Variants in CACNB2 observed in about 807,000 individuals in gnomAD.
The protein encoded by CACNB2 is voltage-dependent L-type calcium channel subunit beta-2.
Under a neutral mutation model 73.3 loss-of-function variants are expected in CACNB2, and 42 were observed. The ratio of observed to expected loss-of-function variants is 0.57; its 90% confidence interval spans 0.45 to 0.74. CACNB2 has a LOEUF of 0.74. Among genes scored for constraint, CACNB2 ranks in the 30% least tolerant of loss-of-function variants. The probability of loss-of-function intolerance (pLI) is 0.00; values close to 1 mark genes in which losing one functional copy is unlikely to be tolerated. For synonymous variants in CACNB2, 348 were observed against 310.3 expected, an observed-to-expected ratio of 1.12 and a Z score of -1.28; for missense variants, 940 against 853.0, an observed-to-expected ratio of 1.10 and a Z score of -1.27.
intron 9 of CACNB2, among the ~76,000 whole-genome samples, chr10:18,525,855 C>CT (rs2052418379): frequency 6.6e-6 from 1 of 151,934 alleles, no homozygotes; most frequent in African/African-American, 2.4e-5. Flanking sequence ...CTTTCTTTTG[C>CT]TTTTTTTCTA....
intron 3 of CACNB2, among the ~76,000 whole-genome samples, chr10:18,432,059 G>T (rs528064636): frequency 6.6e-6 from 1 of 152,088 alleles, no homozygotes; most frequent in Admixed American, 6.5e-5. Context: ...CACCGCACCC[G>T]GCCCAAGACT....
chr10:18,372,608 T>A (rs111911289), intron 2 of CACNB2, among the ~76,000 whole-genome samples: 7,396 of 152,270 alleles, frequency 0.049, 222 homozygotes, highest in African/African-American at 0.064. Context: ...GGTTTCACCA[T>A]GTTGACCAGG....
intron 2 of CACNB2, among the ~76,000 whole-genome samples, chr10:18,283,693 T>G (rs2038659436): frequency 1.5e-5 from 2 of 135,652 alleles, no homozygotes; most frequent in Non-Finnish European, 1.6e-5. Flanking sequence ...GGGGGAGGGA[T>G]GGCATTAGGA....
chr10:18,534,339 T>C (rs182224364), intron 11 of CACNB2, 112 bp downstream of exon 11: 43 of 967,654 alleles, frequency 4.4e-5, no homozygotes, highest in Non-Finnish European at 6.1e-5. Flanking sequence ...TATAGAGAAT[T>C]TGAGGAGACA....
At chr10:18,250,082 T>C (rs1396270572) in intron 2 of CACNB2, among the ~76,000 whole-genome samples, 2 of 152,186 alleles carry the variant, frequency 1.3e-5, no homozygotes, top group Non-Finnish European at 2.9e-5. Flanking sequence ...TCCAGAATCC[T>C]ACCACTTCTC....
At chr10:18,440,424 T>C (rs552525591) in intron 3 of CACNB2, among the ~76,000 whole-genome samples, 3 of 152,140 alleles carry the variant, frequency 2.0e-5, no homozygotes, top group Admixed American at 1.3e-4. Flanking sequence ...AATCCCAGCA[T>C]TTGAAGTGTC....
intron 2 of CACNB2, chr10:18,262,131 A>G: frequency 2.4e-6 from 1 of 414,204 alleles, no homozygotes; most frequent in Non-Finnish European, 4.8e-6. Context: ...CTGGTTTGAC[A>G]TTCCTGACTG....
chr10:18,398,285 A>G (rs1038190503), intron 2 of CACNB2, among the ~76,000 whole-genome samples: 2 of 152,182 alleles, frequency 1.3e-5, no homozygotes, highest in Admixed American at 1.3e-4. Context: ...CTACTATTTA[A>G]CTGTGGCTGT....
intron 2 of CACNB2, among the ~76,000 whole-genome samples, chr10:18,226,250 C>T (rs763277415): frequency 6.6e-6 from 1 of 152,076 alleles, no homozygotes. Flanking sequence ...TAATTTCGAA[C>T]TCCTGAGCTC....
At chr10:18,280,308 A>T (rs2131694194) in intron 2 of CACNB2, among the ~76,000 whole-genome samples, 1 of 152,294 alleles carries the variant, frequency 6.6e-6, no homozygotes, top group East Asian at 1.9e-4. Context: ...TGCTTTACAT[A>T]TGTTCATGAA....
intron 1 of CACNB2, among the ~76,000 whole-genome samples, chr10:18,141,409 G>T (rs1564289226): frequency 1.3e-5 from 2 of 152,210 alleles, no homozygotes. Flanking sequence ...CGCACCTGGG[G>T]CTGACAGCTC....
chr10:18,280,423 C>A (rs1016848650), intron 2 of CACNB2, among the ~76,000 whole-genome samples: 1 of 152,134 alleles, frequency 6.6e-6, no homozygotes, highest in Non-Finnish European at 1.5e-5. Context: ...GATTTGAACA[C>A]GTTGAGCCTG....
intron 2 of CACNB2, among the ~76,000 whole-genome samples, chr10:18,386,399 ATTTTTTT>A (rs10637329): frequency 1.9e-4 from 20 of 106,518 alleles, no homozygotes; most frequent in Non-Finnish European, 3.6e-4. Context: ...TTTATTTATG[ATTTTTTT>A]TTTTTTTTTT....
chr10:18,183,572 C>T (rs570916849), intron 2 of CACNB2, among the ~76,000 whole-genome samples: 1 of 152,224 alleles, frequency 6.6e-6, no homozygotes, highest in South Asian at 2.1e-4. Context: ...ACAGGGGAAC[C>T]CCTCTTTATA....
At chr10:18,412,608 A>T (rs1474082461) in intron 3 of CACNB2, among the ~76,000 whole-genome samples, 1 of 152,096 alleles carries the variant, frequency 6.6e-6, no homozygotes, top group Non-Finnish European at 1.5e-5. Context: ...TGCAAACTTC[A>T]ATTTGTTTTT....
rs976918309 is a variant in CACNB2, at chr10:18,265,279, G to A, written c.213+114304G>A. 9.4e-5 allele frequency among the ~76,000 whole-genome samples: 14 copies of A among 149,686 alleles called. 1 individual carries two copies. The highest frequency in any genetic ancestry group is 6.9e-3 in the Middle Eastern group (2 of 290). ...CTCAGCCTCCTGACTACAAGTGCCC[G>A]CCAATTTCACGCCCAGCTAATTTTT... On this transcript the variant is annotated intron_variant, in intron 2 of 13. Coordinates refer to ENST00000324631, the MANE Select transcript of CACNB2 (RefSeq NM_201596.3).
At chr10:18,400,546 C>T (rs1476853538) in intron 2 of CACNB2, 1 of 1,013,104 alleles carries the variant, frequency 9.9e-7, no homozygotes, top group Non-Finnish European at 1.2e-6. Flanking sequence ...GGAGTGCGTC[C>T]TCCTCCCTCC....
intron 2 of CACNB2, among the ~76,000 whole-genome samples, chr10:18,220,224 TATATATATAGAGAGAG>T (rs1231120775): frequency 8.3e-5 from 4 of 48,030 alleles, no homozygotes; most frequent in East Asian, 8.6e-4. Flanking sequence ...TATATATATA[TATATATATAGAGAGAG>T]AGAGAGAGAG....
At chr10:18,158,303 T>C (rs1401063578) in intron 2 of CACNB2, among the ~76,000 whole-genome samples, 1 of 152,202 alleles carries the variant, frequency 6.6e-6, no homozygotes, top group Admixed American at 6.5e-5. Flanking sequence ...GCTTTTGCTT[T>C]GTAAATTGTC....
Sources: allele counts gnomAD v4.1 joint callset (sites outside exome capture counted in the v4.1 genomes callset), GRCh38; gene constraint gnomAD v4.1.1; transcripts MANE v1.5; gene names NCBI Gene and HGNC (gene_info 2026-07-23, HGNC 2026-07-21).